RFC2: variants seen among roughly 807,000 people sequenced by gnomAD.
RFC2 encodes A1 40 kDa subunit.
Under a neutral mutation model 44.8 loss-of-function variants are expected in RFC2, and 34 were observed. The ratio of observed to expected loss-of-function variants is 0.76; its 90% CI spans 0.58 to 1.01. The LOEUF is 1.01. RFC2 is among the 50% of genes least tolerant of loss of function. RFC2 has a pLI of 0.00. For synonymous variants in RFC2, 177 were observed against 168.9 expected (o/e 1.05, Z -0.37); for missense variants, 400 against 453.6 (o/e 0.88, Z 1.07).
intron 6 of RFC2, among the ~76,000 whole-genome samples, chr7:74,241,938 C>T (rs3135672): frequency 1.2e-3 from 187 of 152,130 alleles, no homozygotes; most frequent in Admixed American, 8.0e-3. Context: ...CCAGCCTGGG[C>T]GACAGAGCGA....
rs573802287 is a variant in RFC2 at position 74,235,441 on chromosome 7, C to T, written c.954+91G>A. Reference sequence around the variant, plus strand: ...AGGTGATCTGCCCACCTCGGCCTCCCAAAGTGCTGGGATTACAGGTGTGGC... The same window carrying T: ...AGGTGATCTGCCCACCTCGGCCTCCTAAAGTGCTGGGATTACAGGTGTGGC... On this transcript the variant is annotated intron_variant, in intron 10 of 10. Transcript: ENST00000055077. 3.5e-6 allele frequency: 3 copies of T among 853,598 alleles called. No homozygotes were observed. In the Admixed American group the frequency reaches 5.2e-5, roughly 15 times the overall value. The allele number at this position is 853,598 out of a possible 1,614,324, so 52.9% of individuals were successfully genotyped here. A position where few individuals can be genotyped will look rare whatever the true frequency, so the allele number is the denominator to read the frequency against.
At chr7:74,248,459 AT>A (rs1803746533) in intron 4 of RFC2, among the ~76,000 whole-genome samples, 1 of 151,870 alleles carries the variant, frequency 6.6e-6, no homozygotes, top group South Asian at 2.1e-4. Flanking sequence ...GTGAGATCCC[AT>A]CTCTACAAAA....
rs1275627824 is a variant in RFC2, at chr7:74,243,254, G to A, written c.435-8C>T. Reference sequence around the variant, plus strand: ...TGGGCTCCGTCGGTCATGCTGAGAAGAAAAACACAAGTTTGCAAGTGGGAC... The same window carrying A: ...TGGGCTCCGTCGGTCATGCTGAGAAAAAAAACACAAGTTTGCAAGTGGGAC... On this transcript the variant is annotated splice_polypyrimidine_tract_variant and splice_region_variant and intron_variant, in intron 5 of 10. Coordinates refer to ENST00000055077, the MANE Select transcript of RFC2 (RefSeq NM_181471.3). 4.4e-6 allele frequency: 7 copies of A among 1,602,614 alleles called. No individual in the cohort carries two copies. The highest frequency in any genetic ancestry group is 6.0e-6 in the Non-Finnish European group (7 of 1,170,804).
intron 2 of RFC2, among the ~76,000 whole-genome samples, chr7:74,252,078 G>A (rs1398139535): frequency 1.6e-5 from 2 of 122,122 alleles, no homozygotes; most frequent in Non-Finnish European, 3.2e-5. Flanking sequence ...CAGCCTGGGC[G>A]ACAGAGGGAG....
chr7:74,249,625 C>CG (rs1455715543), intron 3 of RFC2, 114 bp downstream of exon 3: 2 of 849,574 alleles, frequency 2.4e-6, no homozygotes, highest in East Asian at 2.5e-5. Flanking sequence ...TTCCCTTTGC[C>CG]GGGGGAATGG....
chr7:74,233,694 G>C, intron 10 of RFC2: 1 of 403,514 alleles, frequency 2.5e-6, no homozygotes, highest in Non-Finnish European at 5.1e-6. Flanking sequence ...TCCACCTCCT[G>C]GGTTCAAGCG....
intron 6 of RFC2, among the ~76,000 whole-genome samples, chr7:74,240,845 C>T (rs868967569): frequency 2.0e-5 from 3 of 152,100 alleles, no homozygotes; most frequent in South Asian, 4.1e-4. Context: ...AGGCTGCTCT[C>T]GAACTCCTGG....
Position 74,238,863 on chromosome 7 carries a change from C to G in RFC2, c.759+60G>C, listed in dbSNP as rs1444280431. On this transcript the variant is annotated intron_variant, in intron 8 of 10. Transcript: ENST00000055077. The surrounding 1 kb of genome is among the most constrained non-coding windows in gnomAD (Gnocchi z 4.0). The stretch of plus-strand genomic sequence containing the variant: ...CTGCCAGCCCAGCCCTTCAGCCCCA[C>G]TGGCCCCCACAGGGAAGCACGGCTT... The G allele has an allele frequency of 2.8e-5, 40 of 1,404,194 alleles. No homozygotes were observed. The highest frequency in any genetic ancestry group is 3.9e-5 in the Non-Finnish European group (39 of 989,940). The allele number at this position is 1,404,194 out of a possible 1,614,324, so 87.0% of individuals were successfully genotyped here. A position where few individuals can be genotyped will look rare whatever the true frequency, so the allele number is the denominator to read the frequency against.
At chr7:74,246,555 GAT>G (rs1401482196) in intron 5 of RFC2, 105 bp downstream of exon 5, 10 of 652,880 alleles carry the variant, frequency 1.5e-5, no homozygotes, top group Admixed American at 2.8e-5. Context: ...GCTTGTGGAA[GAT>G]ATGATAAGCA....
intron 4 of RFC2, among the ~76,000 whole-genome samples, chr7:74,248,249 A>G (rs1400523833): frequency 6.6e-6 from 1 of 151,780 alleles, no homozygotes; most frequent in Non-Finnish European, 1.5e-5. Flanking sequence ...CACGTCTGTA[A>G]TCCAAGCACT....
intron 6 of RFC2, among the ~76,000 whole-genome samples, chr7:74,240,610 A>G (rs178976): frequency 0.99 from 151,153 of 152,234 alleles, 75,036 homozygotes; most frequent in Middle Eastern, 1. Flanking sequence ...GGCACTGCCC[A>G]CATGGCCTTG....
Position 74,237,413 on chromosome 7 carries a change from T to C in RFC2, c.789A>G (p.Val263=), listed in dbSNP as rs3135688. 0.033 allele frequency: 52,167 copies of C among 1,600,454 alleles called. 1,045 individuals carry two copies. Among genetic ancestry groups the C allele is most frequent in the Non-Finnish European group, 0.04 (47,140 of 1,172,758 alleles). Reference sequence around the variant, plus strand: ...TCACACAGTGCTGGATCATCTCCTTTACCAGCAGTGGGTGGGGCTCGTCAC... The same window carrying C: ...TCACACAGTGCTGGATCATCTCCTTCACCAGCAGTGGGTGGGGCTCGTCAC... ...KVCDEPHPLL[V]KEMIQHCVNA... is the part of the protein sequence containing the mutation. Residue 263 remains valine (V), a synonymous_variant, in exon 9 of 11, where the codon GTA becomes GTG. Transcript: ENST00000055077.
In RFC2 at chr7:74,254,348, C is replaced by A; in HGVS notation, c.36G>T (p.Glu12Asp). 1 of 1,609,962 alleles carries A rather than the reference C, an allele frequency of 6.2e-7. No individual in the cohort carries two copies. The highest frequency in any genetic ancestry group is 8.5e-7 in the Non-Finnish European group (1 of 1,178,430). Reference sequence around the variant, plus strand: ...CAGGGTCAGAGTCCTGGGCCTCCACCTCGCCCGCGCCACCACAGACGGCCT... The same window carrying A: ...CAGGGTCAGAGTCCTGGGCCTCCACATCGCCCGCGCCACCACAGACGGCCT... The part of the protein sequence containing the change: ...EVEAVCGGAG[E>D]VEAQDSDPAP... The change falls in exon 1 of 11, where the codon GAG becomes GAT. Residue 12 changes from glutamate to aspartate, a missense_variant. Coordinates refer to ENST00000055077, the MANE Select transcript of RFC2 (RefSeq NM_181471.3).
intron 4 of RFC2, 64 bp downstream of exon 4, chr7:74,248,945 GGTT>G: frequency 9.1e-7 from 1 of 1,102,816 alleles, no homozygotes; most frequent in South Asian, 1.2e-5. Flanking sequence ...TGCTGAGAAA[GGTT>G]GTTTCTGTAA....
Position 74,232,362 on chromosome 7 carries a change from G to A in RFC2, c.955-146C>T, listed in dbSNP as rs1355480633. ...AGCATGAGGAATTCCAACCCCAGCC[G>A]GAAAATGAATGCTAAGATGCAATGG... is the stretch of plus-strand genomic sequence containing the variant. On this transcript the variant is annotated intron_variant, in intron 10 of 10. Coordinates refer to ENST00000055077, the MANE Select transcript of RFC2 (RefSeq NM_181471.3). The A allele has an allele frequency of 2.3e-5, 13 of 569,588 alleles. 1 individual carries two copies. The highest frequency in any genetic ancestry group is 1.7e-4 in the South Asian group (8 of 47,592). 35.3% of individuals were successfully genotyped at this position (569,588 alleles called of 1,614,324 possible).
Position 74,231,959 on chromosome 7 carries a change from C to T in RFC2, c.*147G>A, listed in dbSNP as rs1415864953. 3.2e-6 allele frequency: 2 copies of T among 619,888 alleles called. No homozygotes were observed. The highest frequency in any genetic ancestry group is 1.8e-5 in the African/African-American group (1 of 54,284). The allele number at this position is 619,888 out of a possible 1,614,324, so 38.4% of individuals were successfully genotyped here. A position where few individuals can be genotyped will look rare whatever the true frequency, so the allele number is the denominator to read the frequency against. ...CCTCCCAAAGTGTTGGGATTACAGGCGTGAGCTACCGTGCCTGGCCAGCCA... is the reference window on the plus strand; with the variant it reads ...CCTCCCAAAGTGTTGGGATTACAGGTGTGAGCTACCGTGCCTGGCCAGCCA... On this transcript the variant is annotated 3_prime_UTR_variant, in exon 11 of 11. Coordinates refer to ENST00000055077, the MANE Select transcript of RFC2 (RefSeq NM_181471.3).
At chr7:74,242,697 C>T (rs1471472132) in intron 6 of RFC2, among the ~76,000 whole-genome samples, 4 of 146,230 alleles carry the variant, frequency 2.7e-5, no homozygotes, top group Admixed American at 7.1e-5. Flanking sequence ...CAGGCGATCA[C>T]GAGGTCAGAC....
intron 1 of RFC2, 100 bp from the exon 2 acceptor site, chr7:74,252,598 T>C (rs1584269660): frequency 2.7e-6 from 2 of 749,314 alleles, no homozygotes; most frequent in East Asian, 2.6e-5. Context: ...AAAAATTACA[T>C]ACATTCAGTA....
At chr7:74,249,638 A>G in intron 3 of RFC2, 101 bp downstream of exon 3, 1 of 955,660 alleles carries the variant, frequency 1.0e-6, no homozygotes, top group South Asian at 1.3e-5. Flanking sequence ...GGGAATGGGA[A>G]GGGGCTCTCC....
Sources: gnomAD v4.1 joint callset for allele counts (sites outside exome capture counted in the v4.1 genomes callset) on GRCh38, gnomAD v4.1.1 for gene constraint, Gnocchi (gnomAD v3.1) non-coding constraint, MANE v1.5 for transcripts, NCBI Gene and HGNC (gene_info 2026-07-23, HGNC 2026-07-21) for gene names.